SKAP1: variants seen among roughly 807,000 people sequenced by gnomAD.
SKAP1 encodes the protein src kinase-associated phosphoprotein 1.
Under a neutral mutation model 58.5 loss-of-function variants are expected in SKAP1, and 44 were observed. That is an observed-to-expected ratio of 0.75 (90% CI 0.59 to 0.97). SKAP1 has a LOEUF of 0.97. Ranked by LOEUF, SKAP1 falls within the 50% of genes least tolerant of loss-of-function variation. The pLI is 0.00. For synonymous variants in SKAP1, 127 were observed against 149.7 expected, an observed-to-expected ratio of 0.85 and a Z score of 1.11; for missense variants, 390 against 435.2, an observed-to-expected ratio of 0.90 and a Z score of 0.92.
chr17:48,418,037 G>A (rs374734451), intron 1 of SKAP1, among the ~76,000 whole-genome samples: 5 of 152,196 alleles, frequency 3.3e-5, no homozygotes, highest in African/African-American at 7.2e-5. Flanking sequence ...CCTCACACCC[G>A]TAATCCCAGC....
chr17:48,248,951 T>C (rs1452757467), intron 4 of SKAP1: 1 of 152,136 alleles, frequency 6.6e-6, no homozygotes, highest in Non-Finnish European at 1.5e-5. Flanking sequence ...ATCCCAGCAC[T>C]TTGGGAGGCC....
At chr17:48,159,439 GCC>G (rs1185465493) in intron 11 of SKAP1, among the ~76,000 whole-genome samples, 1 of 152,176 alleles carries the variant, frequency 6.6e-6, no homozygotes, top group Non-Finnish European at 1.5e-5. Context: ...TAAACAGCAG[GCC>G]CTTCTTGTCC....
At chr17:48,438,050 G>A in the SKAP1 span, among the ~76,000 whole-genome samples, 2 of 152,128 alleles carry the variant, frequency 1.3e-5, no homozygotes, top group East Asian at 3.8e-4. Context: ...AAGCTTCAGA[G>A]TATATATCCC....
intron 2 of SKAP1, among the ~76,000 whole-genome samples, chr17:48,371,582 C>T (rs2067085905): frequency 7.5e-6 from 1 of 133,178 alleles, no homozygotes; most frequent in South Asian, 2.5e-4. Context: ...TTTGGGAGGC[C>T]AAGGCAGGTA....
chr17:48,380,610 G>C (rs1289365715), intron 2 of SKAP1, among the ~76,000 whole-genome samples: 1 of 152,030 alleles, frequency 6.6e-6, no homozygotes, highest in East Asian at 1.9e-4. Flanking sequence ...AAAATCCCCA[G>C]GTTTTTGTTA....
intron 4 of SKAP1, chr17:48,307,758 TG>T (rs909210572): frequency 6.6e-6 from 1 of 152,184 alleles, no homozygotes; most frequent in African/African-American, 2.4e-5. Context: ...TTTTTTTGTG[TG>T]GGGGTCTTAA....
intron 4 of SKAP1, among the ~76,000 whole-genome samples, chr17:48,261,808 T>G (rs1034312002): frequency 2.0e-5 from 3 of 151,192 alleles, no homozygotes; most frequent in Non-Finnish European, 4.4e-5. Flanking sequence ...AGGTTCCTTT[T>G]GTTTTATGGT....
At chr17:48,190,605 C>T (rs1350738308) in intron 4 of SKAP1, among the ~76,000 whole-genome samples, 1 of 152,160 alleles carries the variant, frequency 6.6e-6, no homozygotes, top group East Asian at 1.9e-4. Flanking sequence ...ATAGCCATCT[C>T]TGTGAACATA....
chr17:48,278,653 G>A (rs568191133), intron 4 of SKAP1, among the ~76,000 whole-genome samples: 1 of 152,310 alleles, frequency 6.6e-6, no homozygotes, highest in Non-Finnish European at 1.5e-5. Context: ...GGCAGGGATG[G>A]AGAGTAACAG....
At chr17:48,201,192 G>C (rs978082819) in intron 4 of SKAP1, among the ~76,000 whole-genome samples, 17 of 152,040 alleles carry the variant, frequency 1.1e-4, no homozygotes, top group African/African-American at 4.1e-4. Flanking sequence ...GACCAAAAAG[G>C]ATTTTGGAGA....
intron 4 of SKAP1, among the ~76,000 whole-genome samples, chr17:48,337,303 T>C (rs909055330): frequency 1.3e-5 from 2 of 152,218 alleles, no homozygotes; most frequent in Non-Finnish European, 2.9e-5. Context: ...TAAGACGTGG[T>C]TCAGCATTGT....
intron 4 of SKAP1, among the ~76,000 whole-genome samples, chr17:48,299,122 A>T (rs12937965): frequency 0.33 from 50,724 of 152,088 alleles, 9,261 homozygotes; most frequent in African/African-American, 0.48. Flanking sequence ...TGATCACAGA[A>T]TGTTGGCATT....
intron 1 of SKAP1, among the ~76,000 whole-genome samples, chr17:48,403,247 G>A (rs1376941741): frequency 1.3e-5 from 2 of 150,980 alleles, no homozygotes; most frequent in Non-Finnish European, 1.5e-5. Context: ...GGTGGTGCAC[G>A]CCTGTAGCTA....
intron 10 of SKAP1, among the ~76,000 whole-genome samples, chr17:48,166,868 C>CTTT (rs34581074): frequency 3.4e-5 from 5 of 147,024 alleles, no homozygotes; most frequent in African/African-American, 7.5e-5. Flanking sequence ...ACAATTTTTC[C>CTTT]TTTTTTTTTT....
chr17:48,162,258 G>T (rs1055653427), intron 11 of SKAP1, among the ~76,000 whole-genome samples: 1 of 152,184 alleles, frequency 6.6e-6, no homozygotes, highest in Admixed American at 6.5e-5. Flanking sequence ...GAGCCACCAC[G>T]CCCGGCCTAG....
At chr17:48,324,415 T>C (rs2066405871) in intron 4 of SKAP1, among the ~76,000 whole-genome samples, 1 of 152,142 alleles carries the variant, frequency 6.6e-6, no homozygotes, top group Admixed American at 6.5e-5. Flanking sequence ...CCAAGCTTTC[T>C]GAAAAGTAAC....
intron 4 of SKAP1, among the ~76,000 whole-genome samples, chr17:48,253,860 T>C (rs2065394537): frequency 1.3e-5 from 2 of 152,080 alleles, no homozygotes; most frequent in Non-Finnish European, 2.9e-5. Flanking sequence ...CAGTAAAAAA[T>C]AATAATAAGA....
chr17:48,232,378 T>A (rs2065135361), intron 4 of SKAP1, among the ~76,000 whole-genome samples: 1 of 152,224 alleles, frequency 6.6e-6, no homozygotes, highest in Admixed American at 6.5e-5. Context: ...GTGGGTACCT[T>A]TTTATGTAAA....
At chr17:48,412,329 T>C (rs2067674766) in intron 1 of SKAP1, among the ~76,000 whole-genome samples, 1 of 152,234 alleles carries the variant, frequency 6.6e-6, no homozygotes, top group Admixed American at 6.5e-5. Flanking sequence ...GCTGCCATTT[T>C]CATCATCTTC....
Sources: allele counts gnomAD v4.1 joint callset (sites outside exome capture counted in the v4.1 genomes callset), GRCh38; gene constraint gnomAD v4.1.1; transcripts MANE v1.5; gene names NCBI Gene and HGNC (gene_info 2026-07-23, HGNC 2026-07-21).